Variants in BRAF observed in about 807,000 individuals in gnomAD.
The protein encoded by BRAF is serine/threonine-protein kinase B-raf.
Under a neutral mutation model 104.6 loss-of-function variants are expected in BRAF, and 16 were observed. The ratio of observed to expected loss-of-function variants is 0.15; its 90% CI spans 0.10 to 0.23. BRAF has a LOEUF of 0.23. Among genes scored for constraint, BRAF ranks in the 10% least tolerant of loss-of-function variants. The pLI is 1.00. For missense variants in BRAF, 541 were observed against 937.3 expected, an observed-to-expected ratio of 0.58 and a Z score of 5.52; for synonymous variants, 310 against 341.6, an observed-to-expected ratio of 0.91 and a Z score of 1.02.
chr7:140,884,432 T>TGC (rs916328010), intron 1 of BRAF, among the ~76,000 whole-genome samples: 3 of 26,970 alleles, frequency 1.1e-4, no homozygotes, highest in Non-Finnish European at 3.3e-4. Context: ...ATAAGATATG[T>TGC]GTGTGTGTGT....
At chr7:140,858,121 G>A (rs1251837682) in intron 1 of BRAF, among the ~76,000 whole-genome samples, 1 of 152,126 alleles carries the variant, frequency 6.6e-6, no homozygotes, top group African/African-American at 2.4e-5. Context: ...AAAAGCTGAT[G>A]GAGAACAGGA....
At chr7:140,894,489 T>A (rs975678800) in intron 1 of BRAF, among the ~76,000 whole-genome samples, 15 of 152,064 alleles carry the variant, frequency 9.9e-5, no homozygotes, top group African/African-American at 2.2e-4. Context: ...TGGAAAAAAA[T>A]TTTTTTAATG....
At chr7:140,881,705 G>C (rs940345260) in intron 1 of BRAF, among the ~76,000 whole-genome samples, 3 of 152,120 alleles carry the variant, frequency 2.0e-5, no homozygotes, top group Non-Finnish European at 4.4e-5. Flanking sequence ...TTGATTTCAA[G>C]AGACATGTGA....
chr7:140,782,273 TAAGTA>T (rs1337886702), intron 11 of BRAF, among the ~76,000 whole-genome samples: 2 of 152,174 alleles, frequency 1.3e-5, no homozygotes, highest in African/African-American at 4.8e-5. Flanking sequence ...ATTACTGAAA[TAAGTA>T]AAATGTTTTT....
At chr7:140,880,603 A>G (rs917370007) in intron 1 of BRAF, among the ~76,000 whole-genome samples, 4 of 152,202 alleles carry the variant, frequency 2.6e-5, no homozygotes, top group Admixed American at 2.6e-4. Flanking sequence ...CAGATCCATC[A>G]TAGGAATATC....
intron 7 of BRAF, among the ~76,000 whole-genome samples, chr7:140,795,385 T>C (rs1230434256): frequency 2.0e-5 from 3 of 152,186 alleles, no homozygotes; most frequent in South Asian, 4.1e-4. Context: ...CTCACTTAAC[T>C]CCATCAGGAC....
At chr7:140,745,566 G>A (rs958567003) in intron 17 of BRAF, among the ~76,000 whole-genome samples, 6 of 152,046 alleles carry the variant, frequency 3.9e-5, no homozygotes, top group Non-Finnish European at 5.9e-5. Context: ...TCAAATTCTG[G>A]GACTGATTTT....
intron 1 of BRAF, among the ~76,000 whole-genome samples, chr7:140,919,389 AG>A (rs1168050433): frequency 6.6e-6 from 1 of 152,156 alleles, no homozygotes; most frequent in Non-Finnish European, 1.5e-5. Context: ...ACCAGGGCCC[AG>A]AAAAAGAAGT....
intron 17 of BRAF, among the ~76,000 whole-genome samples, chr7:140,743,779 G>A (rs1345369934): frequency 6.6e-6 from 1 of 151,926 alleles, no homozygotes; most frequent in Non-Finnish European, 1.5e-5. Flanking sequence ...CATTGTCCCA[G>A]GGTGTAAAAA....
intron 1 of BRAF, among the ~76,000 whole-genome samples, chr7:140,910,853 C>G (rs1816890560): frequency 6.6e-6 from 1 of 151,924 alleles, no homozygotes; most frequent in Non-Finnish European, 1.5e-5. Flanking sequence ...TTTGTAGAGA[C>G]AGGGGCTCGC....
At chr7:140,727,348 T>C (rs1263287049) in intron 19 of BRAF, among the ~76,000 whole-genome samples, 2 of 152,048 alleles carry the variant, frequency 1.3e-5, no homozygotes, top group Admixed American at 6.6e-5. Flanking sequence ...CAGGCCTGGC[T>C]AATTTTTGTA....
chr7:140,789,474 T>C (rs1801728841), intron 8 of BRAF, among the ~76,000 whole-genome samples: 1 of 152,206 alleles, frequency 6.6e-6, no homozygotes, highest in Admixed American at 6.5e-5. Flanking sequence ...ATGTATCATA[T>C]AAAGTCTTCA....
At chr7:140,819,950 G>A (rs1347328618) in intron 3 of BRAF, among the ~76,000 whole-genome samples, 1 of 151,914 alleles carries the variant, frequency 6.6e-6, no homozygotes, top group Non-Finnish European at 1.5e-5. Context: ...ACTTTAAATG[G>A]GTAAATTGTA....
At chr7:140,865,099 A>C (rs1485003279) in intron 1 of BRAF, among the ~76,000 whole-genome samples, 1 of 147,164 alleles carries the variant, frequency 6.8e-6, no homozygotes, top group Non-Finnish European at 1.5e-5. Context: ...TTTTTTTCTG[A>C]GACAGAGTCT....
chr7:140,765,874 T>C (rs1032048566), intron 14 of BRAF, among the ~76,000 whole-genome samples: 2 of 145,458 alleles, frequency 1.4e-5, no homozygotes, highest in Non-Finnish European at 3.0e-5. Context: ...AGTTCAACCT[T>C]TGTGGAAGTC....
chr7:140,762,246 C>T (rs1475243484), intron 14 of BRAF, among the ~76,000 whole-genome samples: 3 of 152,238 alleles, frequency 2.0e-5, no homozygotes, highest in African/African-American at 4.8e-5. Context: ...CACTCAAAAC[C>T]ACTCAACTAC....
At chr7:140,850,310 T>C (rs76498638) in intron 1 of BRAF, 98 bp from the exon 2 acceptor site, 1 of 939,278 alleles carries the variant, frequency 1.1e-6, no homozygotes, top group Non-Finnish European at 1.6e-6. Context: ...CTGCCAGTGT[T>C]CCTCAAATTT....
At chr7:140,810,578 A>G (rs1454861973) in intron 3 of BRAF, among the ~76,000 whole-genome samples, 1 of 152,136 alleles carries the variant, frequency 6.6e-6, no homozygotes, top group Non-Finnish European at 1.5e-5. Context: ...ACAAACAAAC[A>G]AAGAAAAACC....
intron 16 of BRAF, among the ~76,000 whole-genome samples, chr7:140,750,098 T>C (rs1340187560): frequency 6.6e-6 from 1 of 152,246 alleles, no homozygotes; most frequent in Non-Finnish European, 1.5e-5. Context: ...TTTCAGTCAT[T>C]GTATTGCACA....
Sources: gnomAD v4.1 joint callset for allele counts (sites outside exome capture counted in the v4.1 genomes callset) on GRCh38, gnomAD v4.1.1 for gene constraint, MANE v1.5 for transcripts, NCBI Gene and HGNC (gene_info 2026-07-23, HGNC 2026-07-21) for gene names.